The following GPR137B variants were observed in gnomAD, a reference collection of about 807,000 sequenced individuals.
GPR137B encodes the protein integral membrane protein GPR137B.
GPR137B carries 42 observed loss-of-function variants against 42.5 expected under a neutral mutation model. That is an observed-to-expected ratio of 0.99 (90% CI 0.77 to 1.28). The LOEUF is 1.28. Ranked by LOEUF, GPR137B falls within the 50% of genes most tolerant of loss-of-function variation. The pLI is 0.00. For missense variants in GPR137B, 487 were observed against 493.9 expected (o/e 0.99, Z 0.13); for synonymous variants, 218 against 209.7 (o/e 1.04, Z -0.34).
chr1:236,190,148 C>CTTCTTTTTTTTTTTTT (rs61093509), intron 5 of GPR137B, among the ~76,000 whole-genome samples: 2 of 119,422 alleles, frequency 1.7e-5, no homozygotes, highest in East Asian at 2.3e-4. Context: ...CCTGCTTCTT[C>CTTCTTTTTTTTTTTTT]TTTTTTTTTT....
chr1:236,207,427 T>C (rs1663695782), intron 6 of GPR137B: 8 of 259,548 alleles, frequency 3.1e-5, no homozygotes, highest in Non-Finnish European at 4.8e-5. Context: ...TGCTTTCCCC[T>C]TTAAACCCAT....
intron 5 of GPR137B, among the ~76,000 whole-genome samples, chr1:236,188,647 C>G (rs1644743611): frequency 6.6e-6 from 1 of 152,150 alleles, no homozygotes; most frequent in Admixed American, 6.5e-5. Context: ...GTCGAACCAG[C>G]CTTCTATCCC....
chr1:236,200,525 C>G (rs539666669), intron 5 of GPR137B, among the ~76,000 whole-genome samples: 2 of 151,842 alleles, frequency 1.3e-5, no homozygotes, highest in African/African-American at 4.9e-5. Context: ...TTTGGGGGCT[C>G]CCATATTAGG....
chr1:236,188,944 T>C (rs1397526891), intron 5 of GPR137B, among the ~76,000 whole-genome samples: 4 of 152,312 alleles, frequency 2.6e-5, no homozygotes, highest in African/African-American at 9.6e-5. Flanking sequence ...TGAATCTTTC[T>C]GGTCCTGGAC....
chr1:236,207,279 A>G, intron 6 of GPR137B: 1 of 985,412 alleles, frequency 1.0e-6, no homozygotes, highest in South Asian at 4.7e-5. Context: ...GATGTAAAGA[A>G]CGTAAGCTGG....
chr1:236,159,431 C>T (rs950743585), intron 1 of GPR137B, among the ~76,000 whole-genome samples: 1 of 151,328 alleles, frequency 6.6e-6, no homozygotes. Context: ...TTTGGGAGGC[C>T]GAGGCAGGCG....
chr1:236,176,990 T>G (rs934312418), intron 2 of GPR137B, among the ~76,000 whole-genome samples: 1 of 152,122 alleles, frequency 6.6e-6, no homozygotes, highest in African/African-American at 2.4e-5. Flanking sequence ...CCATGGTGTG[T>G]GTGCGTGTGA....
intron 6 of GPR137B, among the ~76,000 whole-genome samples, chr1:236,206,616 TAA>T (rs1375336400): frequency 6.6e-6 from 1 of 152,058 alleles, no homozygotes; most frequent in African/African-American, 2.4e-5. Context: ...GGAAGGCAAA[TAA>T]AAAGAGGGAA....
chr1:236,150,277 CTG>C lies in GPR137B; in HGVS notation c.414+7249_414+7250del, dbSNP rs1661817114. ...TGCCTGTGTTTGTGTGTGTCTGTGCCTGTGTGTGTCTTTGCCTGTGTTTGTGT... is the reference window on the plus strand; with the variant it reads ...TGCCTGTGTTTGTGTGTGTCTGTGCCTGTGTGTCTTTGCCTGTGTTTGTGT... On this transcript the variant is annotated intron_variant, in intron 1 of 6. Transcript: ENST00000366592. This position sits in a 1 kb window ranked among gnomAD's most constrained non-coding sequence, Gnocchi z 6.2. 2.9e-5 allele frequency among the ~76,000 whole-genome samples: 4 copies of C among 139,010 alleles called. No homozygotes were observed. The highest frequency in any genetic ancestry group is 3.1e-5 in the Non-Finnish European group (2 of 64,338). 91.2% of individuals were successfully genotyped at this position (139,010 alleles called of 152,430 possible). A position where few individuals can be genotyped will look rare whatever the true frequency, so the allele number is the denominator to read the frequency against.
chr1:236,180,337 A>C (rs180670629), intron 4 of GPR137B: 2 of 267,582 alleles, frequency 7.5e-6, no homozygotes, highest in African/African-American at 4.5e-5. Context: ...TGGATGGTTG[A>C]GTCTGCAGAT....
chr1:236,157,788 G>A (rs556663926), intron 1 of GPR137B, among the ~76,000 whole-genome samples: 1 of 152,204 alleles, frequency 6.6e-6, no homozygotes, highest in East Asian at 1.9e-4. Flanking sequence ...GTATAGATGC[G>A]CCCATGCAGT....
intron 2 of GPR137B, among the ~76,000 whole-genome samples, chr1:236,172,045 A>AAAG (rs1461913287): frequency 2.0e-5 from 3 of 152,092 alleles, no homozygotes; most frequent in African/African-American, 7.2e-5. Flanking sequence ...CATCTCAAAA[A>AAAG]AAAAAAAAAA....
intron 1 of GPR137B, among the ~76,000 whole-genome samples, chr1:236,163,204 C>G (rs1350046972): frequency 6.6e-6 from 1 of 152,178 alleles, no homozygotes; most frequent in African/African-American, 2.4e-5. Flanking sequence ...TGCATGGGCC[C>G]TGTAACCACT....
chr1:236,170,415 G>T (rs1662499194), intron 2 of GPR137B, among the ~76,000 whole-genome samples: 1 of 152,170 alleles, frequency 6.6e-6, no homozygotes, highest in African/African-American at 2.4e-5. Flanking sequence ...AGAAAGTTCT[G>T]TGAAGGTGCC....
Position 236,178,462 on chromosome 1 carries a change from GGTGAATTTAACCT to G in GPR137B, c.517_529del (p.Asn173LeufsTer4), listed in dbSNP as rs1216276575. 1.2e-6 allele frequency: 2 copies of G among 1,613,870 alleles called. No homozygotes were observed. Among genetic ancestry groups the G allele is most frequent in the East Asian group, 4.5e-5 (2 of 44,864 alleles). On this transcript the variant is annotated frameshift_variant, in exon 3 of 7. Transcript: ENST00000366592. LOFTEE classifies it high-confidence loss of function. Reference sequence around the variant, plus strand: ...TCTTCATCAGCCTTGTTTTCCTGTTGGTGAATTTAACCTGTGCTGTGCTGGTAAAGACGGGAAA... The same window carrying G: ...TCTTCATCAGCCTTGTTTTCCTGTTGGTGCTGTGCTGGTAAAGACGGGAAA...
At chr1:236,208,024 C>T (rs760745479) in intron 6 of GPR137B, 26 bp from the exon 7 acceptor site, 1 of 1,541,776 alleles carries the variant, frequency 6.5e-7, no homozygotes, top group Non-Finnish European at 9.0e-7. Flanking sequence ...TGTTTCAAGT[C>T]ACTGAAATAT....
intron 1 of GPR137B, among the ~76,000 whole-genome samples, chr1:236,145,834 C>T (rs1361478403): frequency 3.3e-5 from 5 of 152,190 alleles, no homozygotes; most frequent in African/African-American, 1.2e-4. Flanking sequence ...CACATCTGTG[C>T]TGTCTGAGTG....
intron 4 of GPR137B, 136 bp from the exon 5 acceptor site, chr1:236,183,642 G>A (rs1443751347): frequency 2.5e-5 from 14 of 558,594 alleles, no homozygotes; most frequent in Admixed American, 1.0e-4. Context: ...TAGTATATTC[G>A]GTAGTACATT....
At chr1:236,167,792 C>T (rs1038344034) in intron 1 of GPR137B, among the ~76,000 whole-genome samples, 25 of 152,176 alleles carry the variant, frequency 1.6e-4, no homozygotes, top group Non-Finnish European at 2.2e-4. Context: ...ATCTCCAGCA[C>T]GTGCTGTAGC....
Sources: allele counts gnomAD v4.1 joint callset (sites outside exome capture counted in the v4.1 genomes callset), GRCh38; gene constraint gnomAD v4.1.1; non-coding constraint Gnocchi (gnomAD v3.1); transcripts MANE v1.5; gene names NCBI Gene and HGNC (gene_info 2026-07-23, HGNC 2026-07-21).